The following DNAH8 variants were observed in gnomAD, a reference collection of about 807,000 sequenced individuals.
The protein encoded by DNAH8 is axonemal beta dynein heavy chain 8.
DNAH8 carries 382 observed loss-of-function variants against 562.1 expected under a neutral mutation model. The observed-to-expected ratio is 0.68, with a 90% confidence interval of 0.63 to 0.74. The LOEUF (loss-of-function observed/expected upper bound fraction) is 0.74. DNAH8 is among the 30% of genes least tolerant of loss of function. DNAH8 has a pLI of 0.00. For missense variants in DNAH8, 5,203 were observed against 5,620.4 expected (o/e 0.93, Z 2.37); for synonymous variants, 1,881 against 1,919.4 (o/e 0.98, Z 0.52).
At chr6:38,980,319 C>A (rs1166227413) in intron 85 of DNAH8, among the ~76,000 whole-genome samples, 1 of 152,096 alleles carries the variant, frequency 6.6e-6, no homozygotes, top group Admixed American at 6.6e-5. Flanking sequence ...TCTTAAAAAA[C>A]CCACAAAACA....
At chr6:38,832,523 C>T (rs529538632) in intron 31 of DNAH8, 88 bp downstream of exon 31, 73 of 775,316 alleles carry the variant, frequency 9.4e-5, no homozygotes, top group South Asian at 3.9e-4. Flanking sequence ...GGAATAGGTA[C>T]GTTGCATGTA....
intron 32 of DNAH8, 127 bp downstream of exon 32, chr6:38,834,768 C>G (rs1020286461): frequency 3.0e-6 from 2 of 664,620 alleles, no homozygotes; most frequent in African/African-American, 3.7e-5. Context: ...TAATTGTATT[C>G]TAATCTGCTA....
intron 79 of DNAH8, 44 bp from the exon 80 acceptor site, chr6:38,945,423 A>C: frequency 6.3e-7 from 1 of 1,595,022 alleles, no homozygotes; most frequent in Non-Finnish European, 8.6e-7. Context: ...CTAGAAGTGA[A>C]GTACAGGCTT....
intron 58 of DNAH8, among the ~76,000 whole-genome samples, chr6:38,891,466 G>A (rs1397080881): frequency 6.6e-6 from 1 of 152,246 alleles, no homozygotes; most frequent in Admixed American, 6.5e-5. Flanking sequence ...GCACGCACTT[G>A]TCTCCTGGGA....
intron 72 of DNAH8, 64 bp from the exon 73 acceptor site, chr6:38,923,927 C>A (rs1394286855): frequency 9.7e-6 from 15 of 1,547,156 alleles, no homozygotes; most frequent in Non-Finnish European, 1.3e-5. Context: ...AAAACTGTGA[C>A]CTCTCAAACA....
At position 38,991,367 on chromosome 6, in the gene DNAH8, G is replaced by GC. The variant is rs1764776845; in HGVS notation, c.13214+1195_13214+1196insC. Among the ~76,000 whole-genome samples, 10 of 152,326 alleles carry GC rather than the reference G, an allele frequency of 6.6e-5. No individual in the cohort carries two copies. In the South Asian group the frequency reaches 2.1e-3, roughly 32 times the overall value. On this transcript the variant is annotated intron_variant, in intron 88 of 92. Coordinates refer to ENST00000327475, the MANE Select transcript of DNAH8 (RefSeq NM_001206927.2). ...GTGGCAGCTCTTGCTGTTATCTAAG[G>GC]AGGCTTTCATAAGTTATCTGGGGAT...
intron 9 of DNAH8, 98 bp downstream of exon 9, chr6:38,750,687 C>A: frequency 4.4e-6 from 3 of 686,834 alleles, no homozygotes; most frequent in East Asian, 2.9e-5. Flanking sequence ...ATCGCTTGAG[C>A]CCAGGAGTGC....
chr6:38,854,016 G>T (rs917197079), intron 41 of DNAH8, among the ~76,000 whole-genome samples: 3 of 150,810 alleles, frequency 2.0e-5, no homozygotes, highest in Admixed American at 2.0e-4. Context: ...CCATCTGTGT[G>T]TAAGTGCACG....
chr6:39,006,645 G>A (rs865961782), intron 88 of DNAH8, among the ~76,000 whole-genome samples: 3 of 152,206 alleles, frequency 2.0e-5, no homozygotes, highest in Admixed American at 2.0e-4. Flanking sequence ...TCCATCAGGT[G>A]CCACCTAGGA....
chr6:38,813,990 C>A, intron 24 of DNAH8, 64 bp from the exon 25 acceptor site: 2 of 1,144,796 alleles, frequency 1.7e-6, no homozygotes, highest in Non-Finnish European at 2.6e-6. Flanking sequence ...AATTTTGTAG[C>A]ATAATAAACT....
chr6:38,818,119 G>A (rs1772456332), intron 26 of DNAH8, among the ~76,000 whole-genome samples: 1 of 152,082 alleles, frequency 6.6e-6, no homozygotes, highest in Non-Finnish European at 1.5e-5. Flanking sequence ...TGTGTTTTCT[G>A]AGATTATGAA....
chr6:38,941,467 G>T lies in DNAH8; in HGVS notation c.12007+2479G>T, dbSNP rs1583416152. Among the ~76,000 whole-genome samples the T allele has an allele frequency of 5.3e-5, 8 of 152,274 alleles. No homozygotes were observed. In the South Asian group the frequency reaches 1.7e-3, roughly 32 times the overall value. ...ATGAACACAGGTTTTATTTCTGGTA[G>T]TTCCAAGGAAGTTGAAATGTATCAT... is the stretch of plus-strand genomic sequence containing the variant. On this transcript the variant is annotated intron_variant, in intron 79 of 92. Coordinates refer to ENST00000327475, the MANE Select transcript of DNAH8 (RefSeq NM_001206927.2).
chr6:38,795,151 C>A (rs898376657), intron 21 of DNAH8, among the ~76,000 whole-genome samples: 1 of 152,126 alleles, frequency 6.6e-6, no homozygotes, highest in African/African-American at 2.4e-5. Context: ...TTTAAGTGTA[C>A]AATTTAGTGG....
chr6:38,725,848 CCT>C (rs1562557545), intron 3 of DNAH8, among the ~76,000 whole-genome samples: 2 of 152,086 alleles, frequency 1.3e-5, no homozygotes, highest in Non-Finnish European at 2.9e-5. Context: ...TGTAGCTGGT[CCT>C]GACTGTGGAC....
At chr6:38,810,868 C>CT (rs1161788591) in intron 24 of DNAH8, among the ~76,000 whole-genome samples, 1 of 151,926 alleles carries the variant, frequency 6.6e-6, no homozygotes, top group Non-Finnish European at 1.5e-5. Flanking sequence ...CTCTTTTATC[C>CT]TTTTTTGTAA....
At position 38,988,534 on chromosome 6, in the gene DNAH8, C is replaced by A. The variant is rs897917143; in HGVS notation, c.13054-1478C>A. On this transcript the variant is annotated intron_variant, in intron 87 of 92. Coordinates refer to ENST00000327475, the MANE Select transcript of DNAH8 (RefSeq NM_001206927.2). ...TTCTAAGTAATGACCATGCTCATAA[C>A]ACTATTCTCTTTAATAACTTTCAAC... 2.0e-5 allele frequency among the ~76,000 whole-genome samples: 3 copies of A among 152,164 alleles called. No homozygotes were observed. The East Asian group carries it at 5.8e-4, about 29-fold the overall frequency.
intron 30 of DNAH8, among the ~76,000 whole-genome samples, chr6:38,831,388 G>T (rs1468838057): frequency 7.3e-6 from 1 of 137,636 alleles, no homozygotes; most frequent in Non-Finnish European, 1.5e-5. Context: ...TTGTGCCACT[G>T]CACTCCAGTC....
In DNAH8 at chr6:38,846,600, A is replaced by G. The variant is rs941685048; in HGVS notation, c.5045+827A>G. 1.1e-4 allele frequency among the ~76,000 whole-genome samples: 17 copies of G among 152,308 alleles called. No homozygotes were observed. The South Asian group carries it at 1.2e-3, about 11-fold the overall frequency. ...CAGTCCAGGGAGTTCTGGGTTGAAT[A>G]TATAAAGGTCAAGGTCCTCGGATGC... On this transcript the variant is annotated intron_variant, in intron 36 of 92. Coordinates refer to ENST00000327475, the MANE Select transcript of DNAH8 (RefSeq NM_001206927.2).
chr6:38,793,924 G>A (rs1302185295), intron 21 of DNAH8, among the ~76,000 whole-genome samples: 1 of 152,092 alleles, frequency 6.6e-6, no homozygotes, highest in Non-Finnish European at 1.5e-5. Context: ...TTTGGATTGG[G>A]AGCTAATGCA....
Sources: gnomAD v4.1 joint callset for allele counts (sites outside exome capture counted in the v4.1 genomes callset) on GRCh38, gnomAD v4.1.1 for gene constraint, MANE v1.5 for transcripts, NCBI Gene and HGNC (gene_info 2026-07-23, HGNC 2026-07-21) for gene names.